The following CA12 variants were observed in gnomAD, a reference collection of about 807,000 sequenced individuals.
CA12 encodes the protein carbonic anhydrase 12, also known as carbonate dehydratase XII.
Under a neutral mutation model 46.8 loss-of-function variants are expected in CA12, and 36 were observed. The ratio of observed to expected loss-of-function variants is 0.77; its 90% CI spans 0.59 to 1.02. CA12 has a LOEUF of 1.02. Among genes scored for constraint, CA12 ranks in the 50% least tolerant of loss-of-function variants. CA12 has a pLI of 0.00. For missense variants in CA12, 436 were observed against 451.4 expected, an observed-to-expected ratio of 0.97 and a Z score of 0.31; for synonymous variants, 202 against 187.0, an observed-to-expected ratio of 1.08 and a Z score of -0.65.
chr15:63,326,395 A>G, intron 10 of CA12, 38 bp from the exon 11 acceptor site: 1 of 1,546,636 alleles, frequency 6.5e-7, no homozygotes, highest in Non-Finnish European at 8.9e-7. Flanking sequence ...GTTAGAGAGG[A>G]GAGCGAGCGA....
intron 10 of CA12, 34 bp from the exon 11 acceptor site, chr15:63,326,391 G>C (rs757950962): frequency 1.9e-6 from 3 of 1,564,964 alleles, no homozygotes; most frequent in South Asian, 1.1e-5. Context: ...TCTTGTTAGA[G>C]AGGAGAGCGA....
intron 2 of CA12, among the ~76,000 whole-genome samples, chr15:63,370,924 C>T (rs1221918379): frequency 6.6e-6 from 1 of 152,192 alleles, no homozygotes; most frequent in Non-Finnish European, 1.5e-5. Flanking sequence ...AGCCTCCCTC[C>T]CTTTGATAGA....
chr15:63,337,613 C>G, intron 8 of CA12, among the ~76,000 whole-genome samples: 1 of 152,204 alleles, frequency 6.6e-6, no homozygotes, highest in East Asian at 1.9e-4. Flanking sequence ...TGTGCCACCA[C>G]GCCCGGCTAA....
chr15:63,346,848 T>G, intron 2 of CA12, 139 bp from the exon 3 acceptor site: 1 of 985,226 alleles, frequency 1.0e-6, no homozygotes, highest in Non-Finnish European at 1.5e-6. Context: ...AGGCTCAGAG[T>G]CTTGGCCTCC....
rs1298361522 is a variant in CA12 at position 63,345,655 on chromosome 15, G to C, written c.287-36C>G. 1.3e-6 allele frequency: 2 copies of C among 1,599,804 alleles called. No individual in the cohort carries two copies. Among genetic ancestry groups the C allele is most frequent in the Non-Finnish European group, 1.7e-6 (2 of 1,176,752 alleles). Reference sequence around the variant, plus strand: ...TGGAGGAGCAGCCTTCAGAGCCCCGGCCAGCTGTGCACTGCCAGAGAGCAG... The same window carrying C: ...TGGAGGAGCAGCCTTCAGAGCCCCGCCCAGCTGTGCACTGCCAGAGAGCAG... On this transcript the variant is annotated intron_variant, in intron 3 of 10. Coordinates refer to ENST00000178638, the MANE Select transcript of CA12 (RefSeq NM_001218.5). The surrounding 1 kb of genome is among the most constrained non-coding windows in gnomAD (Gnocchi z 4.3).
intron 2 of CA12, among the ~76,000 whole-genome samples, chr15:63,364,219 C>G (rs1244389214): frequency 1.4e-5 from 2 of 146,034 alleles, no homozygotes; most frequent in South Asian, 4.4e-4. Context: ...TGGCTAGGTG[C>G]GATGGCTCAC....
chr15:63,371,495 G>A (rs770198856), intron 2 of CA12, among the ~76,000 whole-genome samples: 21 of 152,200 alleles, frequency 1.4e-4, no homozygotes, highest in Admixed American at 7.2e-4. Flanking sequence ...TGGCACCCCC[G>A]TGCCAGGCCA....
intron 2 of CA12, among the ~76,000 whole-genome samples, chr15:63,370,591 G>A (rs1180870920): frequency 6.6e-6 from 1 of 152,024 alleles, no homozygotes; most frequent in Admixed American, 6.5e-5. Context: ...TGGTCAACAT[G>A]GTGAAACCCC....
At chr15:63,375,950 C>T (rs1292690581) in intron 1 of CA12, among the ~76,000 whole-genome samples, 1 of 152,020 alleles carries the variant, frequency 6.6e-6, no homozygotes, top group African/African-American at 2.4e-5. Flanking sequence ...GCTGGGATTA[C>T]AGGCACGCAC....
intron 8 of CA12, 137 bp downstream of exon 8, chr15:63,338,682 G>T: frequency 8.8e-7 from 1 of 1,134,048 alleles, no homozygotes; most frequent in Non-Finnish European, 1.3e-6. Flanking sequence ...CTCACAAGGC[G>T]CCTGGTTCCC....
At chr15:63,367,653 C>T (rs939833527) in intron 2 of CA12, among the ~76,000 whole-genome samples, 4 of 152,154 alleles carry the variant, frequency 2.6e-5, no homozygotes, top group South Asian at 4.1e-4. Flanking sequence ...GACCTAGTCA[C>T]GAGTTAATAA....
chr15:63,369,831 T>G (rs919110757), intron 2 of CA12, among the ~76,000 whole-genome samples: 1 of 152,216 alleles, frequency 6.6e-6, no homozygotes, highest in African/African-American at 2.4e-5. Context: ...CCTCATCCTC[T>G]GTTCCACTAT....
rs1458655880 is a variant in CA12 at position 63,378,161 on chromosome 15, G to T, written c.86-2483C>A. On this transcript the variant is annotated intron_variant, in intron 1 of 10. Transcript: ENST00000178638. This position sits in a 1 kb window ranked among gnomAD's most constrained non-coding sequence, Gnocchi z 4.8. ...CCAGCACTTTGGAAGACCAAGACAG[G>T]CAGATCGCCTGAGGTCAGGAGTTCG... Among the ~76,000 whole-genome samples the T allele has an allele frequency of 1.3e-5, 2 of 152,168 alleles. No individual in the cohort carries two copies. The highest frequency in any genetic ancestry group is 2.9e-5 in the Non-Finnish European group (2 of 68,018).
chr15:63,353,180 G>A (rs569913780), intron 2 of CA12, among the ~76,000 whole-genome samples: 1 of 152,108 alleles, frequency 6.6e-6, no homozygotes, highest in African/African-American at 2.4e-5. Context: ...TGCAATGAGC[G>A]CTGCAAAGGA....
At chr15:63,326,484 A>G (rs558762736) in intron 10 of CA12, 127 bp from the exon 11 acceptor site, 10 of 746,064 alleles carry the variant, frequency 1.3e-5, no homozygotes, top group South Asian at 5.7e-5. Context: ...CCTTTCCCCA[A>G]TTCTGTTGGT....
rs2038911342 is a variant in CA12, at chr15:63,329,739, A to G, written c.875-1609T>C. Among the ~76,000 whole-genome samples the G allele has an allele frequency of 6.6e-6, 1 of 152,154 alleles. No individual in the cohort carries two copies. Among genetic ancestry groups the G allele is most frequent in the Non-Finnish European group, 1.5e-5 (1 of 68,032 alleles). On this transcript the variant is annotated intron_variant, in intron 8 of 10. Transcript: ENST00000178638. The surrounding 1 kb of genome is among the most constrained non-coding windows in gnomAD (Gnocchi z 4.8). ...TGGGAGAGCCCTGGTCAAGTGTAAG[A>G]TGCCAGCAGGGGGCCAAGGACTCTC...
intron 4 of CA12, among the ~76,000 whole-genome samples, chr15:63,342,674 A>G (rs2039096391): frequency 6.6e-6 from 1 of 152,104 alleles, no homozygotes; most frequent in South Asian, 2.1e-4. Flanking sequence ...GGCCTGAACT[A>G]GTTTTCATGT....
intron 8 of CA12, among the ~76,000 whole-genome samples, chr15:63,333,944 T>C (rs1311957402): frequency 1.3e-5 from 2 of 152,204 alleles, no homozygotes; most frequent in African/African-American, 2.4e-5. Flanking sequence ...CAGGGCTAGA[T>C]GGTGTTAGCA....
intron 8 of CA12, among the ~76,000 whole-genome samples, chr15:63,335,697 C>G (rs2038993989): frequency 6.6e-6 from 1 of 151,926 alleles, no homozygotes; most frequent in South Asian, 2.1e-4. Flanking sequence ...TTCTTGTTAA[C>G]TTCCAGAGAA....
Sources: allele counts gnomAD v4.1 joint callset (sites outside exome capture counted in the v4.1 genomes callset), GRCh38; gene constraint gnomAD v4.1.1; non-coding constraint Gnocchi (gnomAD v3.1); transcripts MANE v1.5; gene names NCBI Gene and HGNC (gene_info 2026-07-23, HGNC 2026-07-21).